AOPEP: variants seen among roughly 807,000 people sequenced by gnomAD.
AOPEP encodes the protein aminopeptidase O.
In AOPEP, 77 loss-of-function variants were observed where a neutral mutation model predicts 98.1. The ratio of observed to expected loss-of-function variants is 0.78; its 90% CI spans 0.65 to 0.95. The LOEUF is 0.95. AOPEP is among the 40% of genes least tolerant of loss of function. The pLI, the probability that AOPEP is intolerant of heterozygous loss-of-function variation, is 0.00. For missense variants in AOPEP, 1,024 were observed against 1,024.7 expected (o/e 1.00, Z 0.01); for synonymous variants, 346 against 365.3 (o/e 0.95, Z 0.60).
chr9:95,147,333 C>G, the AOPEP span, among the ~76,000 whole-genome samples: 1 of 152,114 alleles, frequency 6.6e-6, no homozygotes, highest in African/African-American at 2.4e-5. Context: ...GCCTGACCAA[C>G]ATGGAAAACC....
chr9:95,072,369 T>G (rs2068599789), intron 14 of AOPEP, among the ~76,000 whole-genome samples: 1 of 152,218 alleles, frequency 6.6e-6, no homozygotes. Flanking sequence ...TATCTTGGGT[T>G]AAAAAGAGAT....
chr9:94,919,168 C>G (rs1194564590), intron 5 of AOPEP, among the ~76,000 whole-genome samples: 2 of 152,102 alleles, frequency 1.3e-5, no homozygotes, highest in African/African-American at 4.8e-5. Flanking sequence ...CCCACCTCAG[C>G]CTCCCAAAGT....
intron 5 of AOPEP, among the ~76,000 whole-genome samples, chr9:94,917,786 C>T (rs2053045014): frequency 1.3e-5 from 2 of 152,132 alleles, no homozygotes; most frequent in Admixed American, 6.6e-5. Context: ...CTCTGTCTCC[C>T]TCCTTTTGTT....
At chr9:94,843,666 ACTC>A (rs1166240085) in intron 5 of AOPEP, among the ~76,000 whole-genome samples, 1 of 151,912 alleles carries the variant, frequency 6.6e-6, no homozygotes, top group Non-Finnish European at 1.5e-5. Flanking sequence ...TGGATATTAA[ACTC>A]ATTCCATTTA....
chr9:94,791,221 A>T (rs962020969), intron 3 of AOPEP, among the ~76,000 whole-genome samples: 1 of 152,182 alleles, frequency 6.6e-6, no homozygotes, highest in Admixed American at 6.5e-5. Flanking sequence ...TCATTATCCT[A>T]AGTGAACTAA....
chr9:94,928,391 G>C, intron 6 of AOPEP, 34 bp from the exon 7 acceptor site: 1 of 1,451,104 alleles, frequency 6.9e-7, no homozygotes, highest in African/African-American at 1.4e-5. Context: ...ACTGTGTTTT[G>C]TGCATGTGTG....
rs540976781 is a variant in AOPEP at position 94,971,938 on chromosome 9, C to T, written c.1916+4137C>T. Among the ~76,000 whole-genome samples, 41 of 152,286 alleles carry T rather than the reference C, an allele frequency of 2.7e-4. 1 individual carries two copies. Among genetic ancestry groups the T allele is most frequent in the Middle Eastern group, 6.8e-3 (2 of 294 alleles). On this transcript the variant is annotated intron_variant, in intron 10 of 16. Transcript: ENST00000375315. ...AGCCTTCAGGCACCTGTACCTCTAA[C>T]GGGCTTAAGGAAGGCAGTGCCGTCA... is the stretch of plus-strand genomic sequence containing the variant.
At chr9:94,906,379 T>C (rs2051136192) in intron 5 of AOPEP, among the ~76,000 whole-genome samples, 1 of 151,470 alleles carries the variant, frequency 6.6e-6, no homozygotes. Context: ...CGCGGGAAGA[T>C]TGCCTGAGCC....
intron 6 of AOPEP, among the ~76,000 whole-genome samples, 183 bp from the exon 7 acceptor site, chr9:94,928,242 C>T (rs540805854): frequency 6.6e-6 from 1 of 152,292 alleles, no homozygotes; most frequent in Non-Finnish European, 1.5e-5. Flanking sequence ...AGCGAGCGTG[C>T]ACGGTTGGTT....
intron 5 of AOPEP, among the ~76,000 whole-genome samples, chr9:94,873,065 C>T (rs1054762556): frequency 1.3e-5 from 2 of 151,340 alleles, no homozygotes; most frequent in African/African-American, 4.9e-5. Flanking sequence ...GCAGAGGAGC[C>T]GATGATCCAA....
At position 94,983,916 on chromosome 9, in the gene AOPEP, C is replaced by G. The variant is rs894417357; in HGVS notation, c.1977+4489C>G. On this transcript the variant is annotated intron_variant, in intron 11 of 16. Coordinates refer to ENST00000375315, the MANE Select transcript of AOPEP (RefSeq NM_001193329.3). ...TCATCCTGTAGTACCTGTTGTGGTG[C>G]TTATCTCTTTTGGGCCTTGCATATA... Among the ~76,000 whole-genome samples, 3 of 146,214 alleles carry G rather than the reference C, an allele frequency of 2.1e-5. No homozygotes were observed. The Admixed American group carries it at 2.1e-4, about 10-fold the overall frequency.
the AOPEP span, chr9:95,126,529 C>T: frequency 6.2e-7 from 1 of 1,613,868 alleles, no homozygotes; most frequent in South Asian, 1.1e-5. Context: ...TAACGTTTAC[C>T]TGAACATCTC....
chr9:95,010,928 C>A (rs893645461), intron 13 of AOPEP, among the ~76,000 whole-genome samples: 4 of 152,344 alleles, frequency 2.6e-5, no homozygotes, highest in African/African-American at 9.6e-5. Flanking sequence ...ATATTTGGAA[C>A]TCATTTGAGA....
chr9:94,829,808 C>G (rs13285343), intron 5 of AOPEP, among the ~76,000 whole-genome samples: 118,801 of 152,074 alleles, frequency 0.78, 47,886 homozygotes, highest in Non-Finnish European at 0.89. Flanking sequence ...TGCCTTGACT[C>G]TAGCTCTCTT....
At chr9:95,149,889 C>T in the AOPEP span, 91 of 1,567,234 alleles carry the variant, frequency 5.8e-5, no homozygotes, top group Non-Finnish European at 7.6e-5. Context: ...AAAGGAAAAA[C>T]GACGCAGGAT....
At chr9:94,857,753 A>G (rs1050848263) in intron 5 of AOPEP, among the ~76,000 whole-genome samples, 5 of 152,324 alleles carry the variant, frequency 3.3e-5, no homozygotes, top group South Asian at 2.1e-4. Context: ...TTATCATTTC[A>G]TGGAATGTGA....
chr9:94,794,514 A>C (rs1347785366), intron 4 of AOPEP, among the ~76,000 whole-genome samples: 2 of 152,134 alleles, frequency 1.3e-5, no homozygotes, highest in Non-Finnish European at 2.9e-5. Flanking sequence ...CATCTTTCAG[A>C]GATGAAGCTA....
chr9:95,038,063 C>A (rs949488289), intron 13 of AOPEP, among the ~76,000 whole-genome samples: 7 of 152,164 alleles, frequency 4.6e-5, no homozygotes, highest in Admixed American at 1.3e-4. Context: ...AAGTTCTCGG[C>A]CTCTTGAGCC....
the AOPEP span, among the ~76,000 whole-genome samples, chr9:95,092,192 C>G: frequency 1.3e-5 from 2 of 152,158 alleles, no homozygotes; most frequent in Admixed American, 6.5e-5. Context: ...TACAAGGAAC[C>G]AGACCGGTCC....
Sources: gnomAD v4.1 joint callset for allele counts (sites outside exome capture counted in the v4.1 genomes callset) on GRCh38, gnomAD v4.1.1 for gene constraint, MANE v1.5 for transcripts, NCBI Gene and HGNC (gene_info 2026-07-23, HGNC 2026-07-21) for gene names.